The following ZNF878 variants were observed in gnomAD, a reference collection of about 807,000 sequenced individuals.
ZNF878 encodes zinc finger protein 878.
Under a neutral mutation model 11.1 loss-of-function variants are expected in ZNF878, and 10 were observed. The observed-to-expected ratio is 0.90, with a 90% CI of 0.56 to 1.53. The LOEUF (loss-of-function observed/expected upper bound fraction) is 1.53. ZNF878 is among the 40% of genes most tolerant of loss of function. The probability of loss-of-function intolerance (pLI) is 0.00; values close to 1 mark genes in which losing one functional copy is unlikely to be tolerated. For missense variants in ZNF878, 548 were observed against 626.1 expected (o/e 0.88, Z 1.33); for synonymous variants, 165 against 209.7 (o/e 0.79, Z 1.84).
At chr19:12,050,815 CCG>C (rs1263201145) in intron 1 of ZNF878, among the ~76,000 whole-genome samples, 1 of 152,140 alleles carries the variant, frequency 6.6e-6, no homozygotes, top group African/African-American at 2.4e-5. Context: ...TGAAAACCGG[CCG>C]CGCGCGGTGG....
chr19:12,050,142 T>C (rs1000529517), intron 1 of ZNF878, among the ~76,000 whole-genome samples: 1 of 152,114 alleles, frequency 6.6e-6, no homozygotes, highest in Non-Finnish European at 1.5e-5. Context: ...GGAGAATCGA[T>C]TGAACCCGGG....
chr19:12,048,853 GAAAA>G (rs1426453033), intron 1 of ZNF878, among the ~76,000 whole-genome samples: 2 of 144,076 alleles, frequency 1.4e-5, no homozygotes, highest in African/African-American at 2.7e-5. Context: ...AAAAAGAAAA[GAAAA>G]AGAAAAGAAA....
intron 1 of ZNF878, among the ~76,000 whole-genome samples, chr19:12,046,978 C>A (rs1975498899): frequency 6.6e-6 from 1 of 152,134 alleles, no homozygotes; most frequent in Non-Finnish European, 1.5e-5. Context: ...AAAGCAACAG[C>A]AGAATAGGAA....
At position 12,051,297 on chromosome 19, in the gene ZNF878, T is replaced by TCAAA. The variant is rs974103487; in HGVS notation, c.3+1498_3+1501dup. 3.9e-5 allele frequency among the ~76,000 whole-genome samples: 6 copies of TCAAA among 152,084 alleles called. No homozygotes were observed. In the South Asian group the frequency reaches 8.3e-4, roughly 21 times the overall value. On this transcript the variant is annotated intron_variant, in intron 1 of 3. Transcript: ENST00000547628. ...TCGGCAACAAGAGCGAAACTCCGTC[T>TCAAA]CAAACAAACAAACAAAAAAACCTGT...
In ZNF878 at chr19:12,043,814, G is replaced by T. The variant is rs189583607; in HGVS notation, c.1587C>A (p.His529Gln). Residue 529 changes from histidine to glutamine, a missense_variant, in exon 4 of 4, where the codon CAC becomes CAA. Coordinates refer to ENST00000547628, the MANE Select transcript of ZNF878 (RefSeq NM_001080404.3). ...TACATCCATAGAGTTTCTAGCCAGC[G>T]TGAGTCCTTACATGCTTTTGAAGGA... ...ASILQKHVRT[H>Q]AG The T allele has an allele frequency of 1.1e-5, 18 of 1,599,534 alleles. No homozygotes were observed. Among genetic ancestry groups the T allele is most frequent in the Non-Finnish European group, 1.4e-5 (17 of 1,174,754 alleles).
At chr19:12,047,091 G>C (rs1204944939) in intron 1 of ZNF878, among the ~76,000 whole-genome samples, 5 of 152,044 alleles carry the variant, frequency 3.3e-5, no homozygotes, top group Admixed American at 6.6e-5. Flanking sequence ...AAACTCCTTT[G>C]AATTTCTGAG....
At chr19:12,052,701 GT>G (rs1975563134) in intron 1 of ZNF878, 97 bp downstream of exon 1, 1 of 1,452,424 alleles carries the variant, frequency 6.9e-7, no homozygotes, top group Non-Finnish European at 9.2e-7. Context: ...GGAGCCCAGA[GT>G]CGCTGCAGGG....
intron 1 of ZNF878, among the ~76,000 whole-genome samples, chr19:12,051,051 G>C (rs1444607522): frequency 6.9e-6 from 1 of 144,248 alleles, no homozygotes; most frequent in Non-Finnish European, 1.5e-5. Flanking sequence ...AGCAGAGATC[G>C]CGCCACTGCA....
intron 1 of ZNF878, 69 bp from the exon 2 acceptor site, chr19:12,046,829 C>T: frequency 1.3e-6 from 2 of 1,591,378 alleles, no homozygotes; most frequent in Non-Finnish European, 1.7e-6. Flanking sequence ...TACCCTATTC[C>T]TAGGAAGTTC....
intron 3 of ZNF878, 37 bp from the exon 4 acceptor site, chr19:12,045,246 A>C: frequency 1.4e-6 from 2 of 1,479,234 alleles, no homozygotes; most frequent in South Asian, 2.6e-5. Context: ...TGGGTTTATC[A>C]CTAATTTTAA....
In ZNF878 at chr19:12,043,876, A is replaced by T. The variant is rs1333919427; in HGVS notation, c.1525T>A (p.Cys509Ser). 5 of 1,613,960 alleles carry T rather than the reference A, an allele frequency of 3.1e-6. No homozygotes were observed. Among genetic ancestry groups the T allele is most frequent in the Non-Finnish European group, 1.7e-6 (2 of 1,180,008 alleles). Residue 509 changes from cysteine (C) to serine (S), a missense_variant, in exon 4 of 4, where the codon TGT (cysteine) becomes AGT (serine). Cys to Ser is a moderately radical substitution (Grantham distance 112). This residue lies in a region of ZNF878 where 335 missense variants were observed against 358.2 expected (regional missense o/e 0.94). Transcript: ENST00000547628. The stretch of plus-strand genomic sequence containing the variant: ...CTAAAGGCTTTACCACATTGCTTAC[A>T]CTCATAGGGTTTCTCTCCAGTATGA... Reference protein sequence around the residue: ...RIHTGEKPYECKQCGKAFRSA... With the variant: ...RIHTGEKPYESKQCGKAFRSA...
chr19:12,046,694 A>T lies in ZNF878; in HGVS notation c.70T>A (p.Ser24Thr). The T allele has an allele frequency of 6.2e-7, 1 of 1,614,078 alleles. No homozygotes were observed. Among genetic ancestry groups the T allele is most frequent in the South Asian group, 1.1e-5 (1 of 91,084 alleles). The change falls in exon 2 of 4, where the codon TCC (serine) becomes ACC (threonine). Residue 24 changes from serine to threonine, a missense_variant. By Grantham distance (58) the Ser-to-Thr change is moderately conservative. Around this residue, in one of 3 missense-constraint regions of ZNF878, gnomAD observed 160 missense variants for 173.3 expected, o/e 0.92. Coordinates refer to ENST00000547628, the MANE Select transcript of ZNF878 (RefSeq NM_001080404.3). ...TQEEWALLDP[S>T]QKNLYREVMQ... is the part of the protein sequence containing the mutation. ...ACTTCCCTGTAGAGATTTTTCTGGG[A>T]AGGATCCAGCAAAGCCCACTCCTCC... is the stretch of plus-strand genomic sequence containing the variant.
intron 3 of ZNF878, 25 bp downstream of exon 3, chr19:12,046,340 ATTG>A: frequency 6.7e-7 from 1 of 1,498,458 alleles, no homozygotes; most frequent in Non-Finnish European, 9.1e-7. Context: ...ATACAGAGAC[ATTG>A]TTTTCTCTTT....
At chr19:12,046,473 T>G in intron 2 of ZNF878, 45 bp from the exon 3 acceptor site, 1 of 1,558,870 alleles carries the variant, frequency 6.4e-7, no homozygotes, top group Non-Finnish European at 8.7e-7. Context: ...AGTATAAAAT[T>G]ATTTTAAAAA....
At position 12,052,849 on chromosome 19, in the gene ZNF878, CA is replaced by C. The variant is rs1975564829; in HGVS notation, c.-49del. 6.5e-7 allele frequency: 1 copy of C among 1,535,086 alleles called. No homozygotes were observed. The highest frequency in any genetic ancestry group is 2.4e-5 in the East Asian group (1 of 40,926). On this transcript the variant is annotated 5_prime_UTR_variant, in exon 1 of 4. Coordinates refer to ENST00000547628, the MANE Select transcript of ZNF878 (RefSeq NM_001080404.3). ...GCGTCCTCTCTAAAGGTCCCGTGAA[CA>C]GTGCAGGTCACAGCGCAGTCGACAG... is the stretch of plus-strand genomic sequence containing the variant.
rs142252822 is a variant in ZNF878, at chr19:12,044,333, T to C, written c.1068A>G (p.Ile356Met). The change falls in exon 4 of 4, where the codon ATA (isoleucine) becomes ATG (methionine). Residue 356 changes from isoleucine (I) to methionine (M), a missense_variant. Ile to Met is a conservative substitution (Grantham distance 10, BLOSUM62 1). This residue lies in a region of ZNF878 where 335 missense variants were observed against 358.2 expected (regional missense o/e 0.94). Coordinates refer to ENST00000547628, the MANE Select transcript of ZNF878 (RefSeq NM_001080404.3). Reference protein sequence around the residue: ...KAFSFVKDLRIHERTHTGEKP... With the variant: ...KAFSFVKDLRMHERTHTGEKP... ...TCTCTCCAGTGTGTGTCCTTTCATG[T>C]ATTCGAAGATCCTTGACAAAACTGA... 10,570 of 1,613,730 alleles carry C rather than the reference T, an allele frequency of 6.6e-3. 62 individuals are homozygous for C. The highest frequency in any genetic ancestry group is 7.4e-3 in the Non-Finnish European group (8,775 of 1,179,832).
intron 1 of ZNF878, among the ~76,000 whole-genome samples, chr19:12,048,832 C>CAAAAAAAAAAAAAAAAAAAA (rs561825894): frequency 1.2e-5 from 1 of 86,390 alleles, no homozygotes. Flanking sequence ...GACTCTGTCT[C>CAAAAAAAAAAAAAAAAAAAA]AAAAAAAAAA....
intron 1 of ZNF878, among the ~76,000 whole-genome samples, chr19:12,050,444 A>G (rs1265487377): frequency 6.6e-6 from 1 of 152,190 alleles, no homozygotes; most frequent in African/African-American, 2.4e-5. Flanking sequence ...TACATAACCA[A>G]AAGTTTCACC....
chr19:12,046,228 TTA>T (rs1301629118), intron 3 of ZNF878, 138 bp downstream of exon 3: 1 of 659,658 alleles, frequency 1.5e-6, no homozygotes. Flanking sequence ...ATGTCACACT[TTA>T]TATGTTTCTA....
Sources: allele counts gnomAD v4.1 joint callset (sites outside exome capture counted in the v4.1 genomes callset), GRCh38; gene constraint gnomAD v4.1.1; regional missense constraint gnomAD v4.1.1; transcripts MANE v1.5; gene names NCBI Gene and HGNC (gene_info 2026-07-23, HGNC 2026-07-21).